ACBD6: variants seen among roughly 807,000 people sequenced by gnomAD.
The protein encoded by ACBD6 is acyl-CoA binding domain containing 6, also known as acyl-CoA-binding domain-containing protein 6.
In ACBD6, 28 loss-of-function variants were observed where a neutral mutation model predicts 37.2. The observed-to-expected ratio is 0.75, with a 90% confidence interval of 0.56 to 1.03. The LOEUF is 1.03. Ranked by LOEUF, ACBD6 falls within the 50% of genes least tolerant of loss-of-function variation. ACBD6 has a pLI of 0.00. For missense variants in ACBD6, 340 were observed against 337.4 expected (o/e 1.01, Z -0.06); for synonymous variants, 113 against 126.8 (o/e 0.89, Z 0.73).
intron 6 of ACBD6, among the ~76,000 whole-genome samples, chr1:180,353,371 C>T (rs192836437): frequency 2.9e-4 from 44 of 152,192 alleles, no homozygotes; most frequent in African/African-American, 1.0e-3. Flanking sequence ...AGATGTTTTA[C>T]TCTGTGATAG....
intron 6 of ACBD6, among the ~76,000 whole-genome samples, chr1:180,326,841 G>C (rs1186674528): frequency 2.4e-4 from 36 of 152,228 alleles, no homozygotes; most frequent in Admixed American, 2.3e-3. Context: ...GTCTAGAAAT[G>C]TCATCTGGGA....
At chr1:180,390,047 T>C (rs2101940431) in intron 6 of ACBD6, among the ~76,000 whole-genome samples, 1 of 152,148 alleles carries the variant, frequency 6.6e-6, no homozygotes, top group African/African-American at 2.4e-5. Flanking sequence ...TTGCCATTGC[T>C]TTTGGTGTTT....
At chr1:180,294,687 G>GT (rs1649851223) in intron 7 of ACBD6, among the ~76,000 whole-genome samples, 1 of 151,054 alleles carries the variant, frequency 6.6e-6, no homozygotes. Context: ...CCTGAAACTG[G>GT]TAATTTGCCT....
intron 6 of ACBD6, among the ~76,000 whole-genome samples, chr1:180,348,249 A>AT (rs1652269208): frequency 6.6e-6 from 1 of 152,252 alleles, no homozygotes; most frequent in Admixed American, 6.5e-5. Context: ...TGGCAATGAA[A>AT]GTAGCAGCGG....
intron 4 of ACBD6, among the ~76,000 whole-genome samples, chr1:180,420,166 T>C (rs1648295976): frequency 6.6e-6 from 1 of 152,214 alleles, no homozygotes; most frequent in Admixed American, 6.5e-5. Flanking sequence ...CTTCTGTTAA[T>C]TCCTCTAGTG....
intron 6 of ACBD6, among the ~76,000 whole-genome samples, chr1:180,381,830 A>T (rs2101928479): frequency 6.6e-6 from 1 of 152,234 alleles, no homozygotes; most frequent in African/African-American, 2.4e-5. Context: ...AAGAACACCC[A>T]GGTGCAGTGG....
At chr1:180,461,466 G>A (rs527621943) in intron 3 of ACBD6, among the ~76,000 whole-genome samples, 29 of 152,068 alleles carry the variant, frequency 1.9e-4, no homozygotes, top group Non-Finnish European at 3.4e-4. Context: ...ATAATCATCA[G>A]ATTTTCTAAG....
chr1:180,392,281 G>GTGTGTA (rs1553301937), intron 6 of ACBD6, among the ~76,000 whole-genome samples: 3 of 134,658 alleles, frequency 2.2e-5, no homozygotes, highest in East Asian at 2.0e-4. Context: ...GTGTGTGTGT[G>GTGTGTA]TGTATGTATG....
Position 180,300,998 on chromosome 1 carries a change from T to C in ACBD6, c.695-12481A>G, listed in dbSNP as rs55952863. 6.7e-3 allele frequency among the ~76,000 whole-genome samples: 1,014 copies of C among 152,312 alleles called. 16 individuals are homozygous for C. Among genetic ancestry groups the C allele is most frequent in the African/African-American group, 0.023 (968 of 41,556 alleles). On this transcript the variant is annotated intron_variant, in intron 7 of 7. Coordinates refer to ENST00000367595, the MANE Select transcript of ACBD6 (RefSeq NM_032360.4). ...TCTGGATGTAGAATCAGAAGACCTATACAAGTGTCTTGGCTCTGCAACCTA... is the reference window on the plus strand; with the variant it reads ...TCTGGATGTAGAATCAGAAGACCTACACAAGTGTCTTGGCTCTGCAACCTA...
At chr1:180,316,470 T>G (rs938393608) in intron 6 of ACBD6, among the ~76,000 whole-genome samples, 3 of 152,158 alleles carry the variant, frequency 2.0e-5, no homozygotes, top group African/African-American at 7.2e-5. Flanking sequence ...AGGATTCTAC[T>G]TAGGCATCCA....
intron 3 of ACBD6, among the ~76,000 whole-genome samples, chr1:180,467,467 A>C (rs1285516247): frequency 1.7e-4 from 25 of 149,796 alleles, no homozygotes; most frequent in Middle Eastern, 3.5e-3. Context: ...AAAAAAAAAA[A>C]AAAAACAAAA....
At chr1:180,492,729 C>A (rs1356843610) in intron 2 of ACBD6, among the ~76,000 whole-genome samples, 1 of 152,162 alleles carries the variant, frequency 6.6e-6, no homozygotes, top group Non-Finnish European at 1.5e-5. Context: ...GATCTACAGA[C>A]TAATAGAGAT....
intron 6 of ACBD6, among the ~76,000 whole-genome samples, chr1:180,366,919 G>A (rs1226569092): frequency 6.6e-6 from 1 of 152,150 alleles, no homozygotes. Context: ...AAAAAAGGGT[G>A]GAATCTGCAG....
At chr1:180,394,794 T>G (rs1428119982) in intron 6 of ACBD6, among the ~76,000 whole-genome samples, 1 of 152,122 alleles carries the variant, frequency 6.6e-6, no homozygotes, top group South Asian at 2.1e-4. Flanking sequence ...AAAAGTAAAA[T>G]TCCTATTACA....
chr1:180,467,870 TA>T (rs1229871600), intron 3 of ACBD6, among the ~76,000 whole-genome samples: 1 of 152,178 alleles, frequency 6.6e-6, no homozygotes, highest in African/African-American at 2.4e-5. Context: ...TGCTACATTG[TA>T]AACATGTACA....
chr1:180,363,027 G>A (rs1281887417), intron 6 of ACBD6, among the ~76,000 whole-genome samples: 1 of 152,152 alleles, frequency 6.6e-6, no homozygotes, highest in African/African-American at 2.4e-5. Context: ...ATAGCCAAGG[G>A]CGGGCTCTGG....
chr1:180,451,155 T>A (rs941152779), intron 3 of ACBD6, among the ~76,000 whole-genome samples: 2 of 152,118 alleles, frequency 1.3e-5, no homozygotes, highest in Admixed American at 6.5e-5. Flanking sequence ...TAAAAGGTGG[T>A]CAATATCATC....
intron 6 of ACBD6, among the ~76,000 whole-genome samples, chr1:180,318,172 C>T (rs796894470): frequency 1.9e-5 from 2 of 106,372 alleles, no homozygotes; most frequent in Non-Finnish European, 2.1e-5. Context: ...CGCCCCCCCC[C>T]CCCAAAAAAA....
chr1:180,331,282 G>T (rs1651471311), intron 6 of ACBD6, among the ~76,000 whole-genome samples: 1 of 152,076 alleles, frequency 6.6e-6, no homozygotes, highest in Non-Finnish European at 1.5e-5. Flanking sequence ...CAATCAAGGG[G>T]TCATTTTTGT....
Sources: allele counts gnomAD v4.1 joint callset (sites outside exome capture counted in the v4.1 genomes callset), GRCh38; gene constraint gnomAD v4.1.1; transcripts MANE v1.5; gene names NCBI Gene and HGNC (gene_info 2026-07-23, HGNC 2026-07-21).